The following CELF4 variants were observed in gnomAD, a reference collection of about 807,000 sequenced individuals.
CELF4 encodes the protein CUG-BP- and ETR-3-like factor 4.
Under a neutral mutation model 59.9 loss-of-function variants are expected in CELF4, and 18 were observed. The ratio of observed to expected loss-of-function variants is 0.30; its 90% CI spans 0.21 to 0.45. The LOEUF (loss-of-function observed/expected upper bound fraction) is 0.45, where lower values mean the gene tolerates loss of function less well. CELF4 is among the 20% of genes least tolerant of loss of function. The pLI is 1.00. For missense variants in CELF4, 456 were observed against 689.0 expected, an observed-to-expected ratio of 0.66 and a Z score of 3.79; for synonymous variants, 261 against 267.1, an observed-to-expected ratio of 0.98 and a Z score of 0.22.
intron 1 of CELF4, among the ~76,000 whole-genome samples, chr18:37,542,290 T>C (rs1452020175): frequency 6.6e-6 from 1 of 152,258 alleles, no homozygotes; most frequent in African/African-American, 2.4e-5. Context: ...GGAATAGAGC[T>C]GTAAACAGAA....
intron 8 of CELF4, among the ~76,000 whole-genome samples, chr18:37,269,100 C>T (rs1165530324): frequency 1.3e-5 from 2 of 152,212 alleles, no homozygotes; most frequent in Middle Eastern, 3.4e-3. Context: ...CCCAGATGTG[C>T]TGGGGATGCC....
At chr18:37,345,935 C>T (rs527429845) in intron 2 of CELF4, among the ~76,000 whole-genome samples, 135 of 152,186 alleles carry the variant, frequency 8.9e-4, no homozygotes, top group Non-Finnish European at 1.7e-3. Context: ...TGCCTGGCCC[C>T]CGGAGCCCCC....
At chr18:37,275,734 GTCC>G (rs147417891) in intron 3 of CELF4, 2,344 of 160,932 alleles carry the variant, frequency 0.015, 70 homozygotes, top group African/African-American at 0.053. Context: ...ACAAGGTCCA[GTCC>G]TCTTCTTCTA....
intron 9 of CELF4, among the ~76,000 whole-genome samples, 200 bp from the exon 10 acceptor site, chr18:37,264,957 GGTGTGTGTACGTGTGTGTGTGC>G (rs1195004588): frequency 2.0e-5 from 3 of 151,762 alleles, no homozygotes; most frequent in Non-Finnish European, 4.4e-5. Flanking sequence ...TGGGTGTGTG[GGTGTGTGTACGTGTGTGTGTGC>G]GTGTGTGTAC....
intron 11 of CELF4, among the ~76,000 whole-genome samples, chr18:37,255,305 T>C (rs1267808043): frequency 6.6e-6 from 1 of 151,826 alleles, no homozygotes; most frequent in East Asian, 1.9e-4. Flanking sequence ...AAGAGAGCCC[T>C]TCCTCACTTT....
intron 2 of CELF4, among the ~76,000 whole-genome samples, chr18:37,346,474 G>A (rs2098263142): frequency 6.6e-6 from 1 of 152,114 alleles, no homozygotes; most frequent in Non-Finnish European, 1.5e-5. Flanking sequence ...CTGCGACTGG[G>A]GTTCAGCAAG....
intron 1 of CELF4, among the ~76,000 whole-genome samples, chr18:37,562,035 C>T (rs562074587): frequency 6.6e-6 from 1 of 152,210 alleles, no homozygotes; most frequent in Non-Finnish European, 1.5e-5. Flanking sequence ...TGCCTAGCAC[C>T]CAGATACCCC....
At chr18:37,553,823 G>C (rs1318822167) in intron 1 of CELF4, among the ~76,000 whole-genome samples, 1 of 152,158 alleles carries the variant, frequency 6.6e-6, no homozygotes, top group Admixed American at 6.5e-5. Flanking sequence ...TGGAGCTCCT[G>C]GGGTGAGGCA....
chr18:37,511,569 C>A (rs1008950553), intron 1 of CELF4, among the ~76,000 whole-genome samples: 2 of 151,878 alleles, frequency 1.3e-5, no homozygotes, highest in African/African-American at 4.8e-5. Flanking sequence ...ACTCCTCACA[C>A]TGCCATTGAC....
chr18:37,279,175 T>C (rs1448829900), intron 3 of CELF4, among the ~76,000 whole-genome samples: 2 of 152,158 alleles, frequency 1.3e-5, no homozygotes, highest in Non-Finnish European at 2.9e-5. Context: ...GCCCTGAGCC[T>C]GTTGCTTCCC....
At chr18:37,375,614 G>A (rs189252529) in intron 2 of CELF4, among the ~76,000 whole-genome samples, 13 of 152,154 alleles carry the variant, frequency 8.5e-5, no homozygotes, top group Non-Finnish European at 7.3e-5. Context: ...GGAAACTGAG[G>A]CCCAGAGAAG....
At chr18:37,273,252 C>T in intron 6 of CELF4, 89 bp from the exon 7 acceptor site, 1 of 1,514,240 alleles carries the variant, frequency 6.6e-7, no homozygotes, top group Non-Finnish European at 8.9e-7. Context: ...ACCAATCTCC[C>T]AGGCTCTGAG....
chr18:37,389,845 C>T (rs1241629279), intron 2 of CELF4, among the ~76,000 whole-genome samples: 1 of 152,216 alleles, frequency 6.6e-6, no homozygotes, highest in African/African-American at 2.4e-5. Flanking sequence ...AGTGAATCCA[C>T]CCTGGTCACA....
intron 9 of CELF4, among the ~76,000 whole-genome samples, chr18:37,265,383 A>G (rs578032830): frequency 1.3e-5 from 2 of 152,256 alleles, no homozygotes; most frequent in South Asian, 4.1e-4. Flanking sequence ...TGGATAATTA[A>G]AAACACCAAA....
intron 2 of CELF4, among the ~76,000 whole-genome samples, chr18:37,388,622 C>T (rs527619527): frequency 6.6e-6 from 1 of 152,302 alleles, no homozygotes; most frequent in Admixed American, 6.5e-5. Flanking sequence ...CCTTCTAGGT[C>T]TGCTGCTGTC....
chr18:37,544,923 G>A (rs2099980364), intron 1 of CELF4, among the ~76,000 whole-genome samples: 3 of 152,168 alleles, frequency 2.0e-5, no homozygotes, highest in Non-Finnish European at 2.9e-5. Flanking sequence ...CTGATCCTGG[G>A]GCTCCAGGGA....
intron 2 of CELF4, among the ~76,000 whole-genome samples, chr18:37,481,254 G>A (rs2154603009): frequency 6.6e-6 from 1 of 152,296 alleles, no homozygotes; most frequent in African/African-American, 2.4e-5. Flanking sequence ...AGGAGATACA[G>A]CTCCCACTTC....
At chr18:37,321,761 TGA>T (rs749266695) in intron 3 of CELF4, 40 bp downstream of exon 3, 4 of 1,343,920 alleles carry the variant, frequency 3.0e-6, no homozygotes, top group Non-Finnish European at 4.1e-6. Flanking sequence ...GAGGGAGGAG[TGA>T]GAGGGGGAGG....
rs145716798 is a variant in CELF4 at position 37,538,228 on chromosome 18, A to T, written c.286+27128T>A. Among the ~76,000 whole-genome samples the T allele has an allele frequency of 2.1e-3, 318 of 152,200 alleles. 2 individuals are homozygous for T. Among genetic ancestry groups the T allele is most frequent in the African/African-American group, 7.3e-3 (304 of 41,526 alleles). ...TGCTCTCTGTACTGTGTGCCTAGGGATGCATTCCTTTTTCCTTGTCTCTCC... is the reference window on the plus strand; with the variant it reads ...TGCTCTCTGTACTGTGTGCCTAGGGTTGCATTCCTTTTTCCTTGTCTCTCC... On this transcript the variant is annotated intron_variant, in intron 1 of 12. Coordinates refer to ENST00000420428, the MANE Select transcript of CELF4 (RefSeq NM_020180.4).
Sources: gnomAD v4.1 joint callset for allele counts (sites outside exome capture counted in the v4.1 genomes callset) on GRCh38, gnomAD v4.1.1 for gene constraint, MANE v1.5 for transcripts, NCBI Gene and HGNC (gene_info 2026-07-23, HGNC 2026-07-21) for gene names.